Variants in FHAD1 observed in about 807,000 individuals in gnomAD.
FHAD1 encodes the protein forkhead-associated domain-containing protein 1.
In FHAD1, 146 loss-of-function variants were observed where a neutral mutation model predicts 191.3. The observed-to-expected ratio is 0.76, with a 90% CI of 0.67 to 0.88. The LOEUF (loss-of-function observed/expected upper bound fraction) is 0.88, where lower values mean the gene tolerates loss of function less well. Among genes scored for constraint, FHAD1 ranks in the 40% least tolerant of loss-of-function variants. The pLI is 0.00. For missense variants in FHAD1, 1,635 were observed against 1,785.8 expected, an observed-to-expected ratio of 0.92 and a Z score of 1.52; for synonymous variants, 616 against 672.3, an observed-to-expected ratio of 0.92 and a Z score of 1.29.
chr1:15,301,749 C>T (rs1049278241), intron 6 of FHAD1, among the ~76,000 whole-genome samples: 4 of 152,186 alleles, frequency 2.6e-5, no homozygotes, highest in African/African-American at 4.8e-5. Context: ...AGGCCCAGGC[C>T]GGGCGCTGTG....
chr1:15,273,676 T>TA (rs1657073593), intron 3 of FHAD1, among the ~76,000 whole-genome samples: 1 of 152,218 alleles, frequency 6.6e-6, no homozygotes, highest in South Asian at 2.1e-4. Context: ...ACCTGTGAGA[T>TA]ACTTGACTTT....
At chr1:15,371,610 C>T (rs1485218159) in intron 26 of FHAD1, among the ~76,000 whole-genome samples, 1 of 152,208 alleles carries the variant, frequency 6.6e-6, no homozygotes, top group Non-Finnish European at 1.5e-5. Context: ...CATGGCTACC[C>T]CTGTGCCCCC....
rs1205587770 is a variant in FHAD1 at position 15,316,115 on chromosome 1, TTG to T, written c.1171-260_1171-259del. Among the ~76,000 whole-genome samples the T allele has an allele frequency of 3.9e-5, 6 of 152,240 alleles. No individual in the cohort carries two copies. Among genetic ancestry groups the T allele is most frequent in the Non-Finnish European group, 5.9e-5 (4 of 68,036 alleles). On this transcript the variant is annotated intron_variant, in intron 8 of 33. Coordinates refer to ENST00000688493, the MANE Select transcript of FHAD1 (RefSeq NM_001391957.1). The surrounding 1 kb of genome is among the most constrained non-coding windows in gnomAD (Gnocchi z 4.3). ...CAGACTCTCCAAAGCTGGATTTTCC[TTG>T]TGGTTTAGATTGCTGGCTTTTGAAG... is the stretch of plus-strand genomic sequence containing the variant.
At chr1:15,286,736 G>T (rs946415403) in intron 3 of FHAD1, among the ~76,000 whole-genome samples, 6 of 152,194 alleles carry the variant, frequency 3.9e-5, no homozygotes, top group Non-Finnish European at 7.3e-5. Context: ...GAGGGAGGGA[G>T]ATTTACCCAC....
rs1696926308 is a variant in FHAD1 at position 15,367,737 on chromosome 1, T to G, written c.3314+115T>G. 1.8e-5 allele frequency: 15 copies of G among 829,716 alleles called. 1 individual carries two copies. The South Asian group carries it at 2.6e-4, about 14-fold the overall frequency. The allele number at this position is 829,716 out of a possible 1,614,324, so 51.4% of individuals were successfully genotyped here. A position where few individuals can be genotyped will look rare whatever the true frequency, so the allele number is the denominator to read the frequency against. On this transcript the variant is annotated intron_variant, in intron 25 of 33. Coordinates refer to ENST00000688493, the MANE Select transcript of FHAD1 (RefSeq NM_001391957.1). ...CTTGAGGAGTTGAATGAATGAATGA[T>G]ATGTGTTTCATGGCTTGGCTTATTC...
intron 2 of FHAD1, among the ~76,000 whole-genome samples, chr1:15,269,123 C>G (rs970489075): frequency 6.6e-6 from 1 of 151,998 alleles, no homozygotes; most frequent in African/African-American, 2.4e-5. Context: ...AAAGAACCAA[C>G]TTTTGTTTTC....
chr1:15,363,646 TTGG>T (rs1695508365), intron 23 of FHAD1: 1 of 413,882 alleles, frequency 2.4e-6, no homozygotes, highest in Non-Finnish European at 4.8e-6. Context: ...TGGAGACCAC[TTGG>T]TGGGGCGGGG....
intron 23 of FHAD1, chr1:15,363,682 A>G (rs1695519734): frequency 4.4e-6 from 2 of 452,294 alleles, no homozygotes; most frequent in Middle Eastern, 3.9e-4. Flanking sequence ...TGAGAAGTTA[A>G]GGGGTCGGCT....
intron 20 of FHAD1, among the ~76,000 whole-genome samples, chr1:15,357,214 A>T (rs901461316): frequency 3.9e-5 from 6 of 152,238 alleles, no homozygotes; most frequent in Admixed American, 3.9e-4. Context: ...AGTACTTTGA[A>T]TATATTTTAA....
chr1:15,303,865 A>G (rs1669604289), intron 6 of FHAD1, among the ~76,000 whole-genome samples: 1 of 147,714 alleles, frequency 6.8e-6, no homozygotes, highest in African/African-American at 2.5e-5. Flanking sequence ...AAAAAAAAAG[A>G]AAGAAAGAAA....
intron 3 of FHAD1, among the ~76,000 whole-genome samples, chr1:15,284,113 G>A (rs1737344): frequency 0.73 from 110,829 of 152,048 alleles, 41,190 homozygotes; most frequent in African/African-American, 0.88. Context: ...TGATTAGATG[G>A]GGCCACATAT....
At chr1:15,302,597 C>T (rs1381097610) in intron 6 of FHAD1, among the ~76,000 whole-genome samples, 1 of 151,976 alleles carries the variant, frequency 6.6e-6, no homozygotes. Flanking sequence ...TGGTGGCGGG[C>T]GCCTGTAGTC....
intron 32 of FHAD1, among the ~76,000 whole-genome samples, chr1:15,389,305 C>G (rs1703171301): frequency 6.6e-6 from 1 of 151,856 alleles, no homozygotes; most frequent in Admixed American, 6.6e-5. Context: ...AATTAGCCAG[C>G]CATGGTGGCG....
Position 15,242,158 on chromosome 1 carries a change from G to A in FHAD1, c.-15+5397G>A, listed in dbSNP as rs59416047. Among the ~76,000 whole-genome samples, 395 of 150,546 alleles carry A rather than the reference G, an allele frequency of 2.6e-3. 3 individuals carry two copies. The highest frequency in any genetic ancestry group is 9.0e-3 in the African/African-American group (370 of 40,914). On this transcript the variant is annotated intron_variant, in intron 1 of 33. Coordinates refer to the FHAD1 transcript ENST00000683790. ...TGAAGCAGGAGAATCGCTTGAACCCGGGAGGAGGAGGTTGCAGTGAGCCGA... is the reference window on the plus strand; with the variant it reads ...TGAAGCAGGAGAATCGCTTGAACCCAGGAGGAGGAGGTTGCAGTGAGCCGA...
intron 9 of FHAD1, among the ~76,000 whole-genome samples, chr1:15,317,621 A>C (rs1382909119): frequency 2.6e-5 from 4 of 152,226 alleles, no homozygotes. Flanking sequence ...AGAACTTTTA[A>C]TATATCAGTC....
At chr1:15,308,853 G>C (rs1185564217) in intron 7 of FHAD1, 117 bp downstream of exon 7, 33 of 1,456,334 alleles carry the variant, frequency 2.3e-5, no homozygotes, top group Non-Finnish European at 2.9e-5. Flanking sequence ...TGCAGCCTCA[G>C]AGTTCTTCCC....
intron 25 of FHAD1, 75 bp from the exon 26 acceptor site, chr1:15,369,295 C>G (rs1697431658): frequency 4.8e-6 from 7 of 1,454,626 alleles, no homozygotes; most frequent in Non-Finnish European, 6.5e-6. Flanking sequence ...AGCTCCATGT[C>G]CTGGTCTTCC....
At position 15,375,726 on chromosome 1, in the gene FHAD1, T is replaced by C; in HGVS notation, c.3701T>C (p.Leu1234Pro). 2.0e-6 allele frequency: 3 copies of C among 1,533,812 alleles called. No homozygotes were observed. Among genetic ancestry groups the C allele is most frequent in the Non-Finnish European group, 2.6e-6 (3 of 1,141,838 alleles). ...DLPTLSRIEI[L>P]APQNGLCNAR... is the part of the protein sequence containing the mutation. ...CCAACTCTCTCAAGAATAGAGATCC[T>C]AGCGGTAACCAAAGAAAATTCTCTC... is the stretch of plus-strand genomic sequence containing the variant. Residue 1234 changes from leucine (L) to proline (P), a missense_variant, in exon 28 of 34, where the codon CTA (leucine) becomes CCA (proline). Coordinates refer to ENST00000688493, the MANE Select transcript of FHAD1 (RefSeq NM_001391957.1).
intron 2 of FHAD1, among the ~76,000 whole-genome samples, chr1:15,267,163 T>C (rs1293634083): frequency 1.3e-5 from 2 of 152,200 alleles, no homozygotes; most frequent in African/African-American, 4.8e-5. Context: ...TATGAAAAGA[T>C]TTTAACCATC....
Sources: allele counts gnomAD v4.1 joint callset (sites outside exome capture counted in the v4.1 genomes callset), GRCh38; gene constraint gnomAD v4.1.1; non-coding constraint Gnocchi (gnomAD v3.1); transcripts MANE v1.5; gene names NCBI Gene and HGNC (gene_info 2026-07-23, HGNC 2026-07-21).